The following FAIM2 variants were observed in gnomAD, a reference collection of about 807,000 sequenced individuals.
The protein encoded by FAIM2 is protein lifeguard 2.
A neutral mutation model predicts 47.4 loss-of-function variants in FAIM2; 27 were observed. That is an observed-to-expected ratio of 0.57 (90% confidence interval 0.42 to 0.78). The LOEUF is 0.78. FAIM2 is among the 30% of genes least tolerant of loss of function. FAIM2 has a pLI of 0.00. For synonymous variants in FAIM2, 156 were observed against 159.3 expected (o/e 0.98, Z 0.16); for missense variants, 311 against 389.4 (o/e 0.80, Z 1.69).
Position 49,870,440 on chromosome 12 carries a change from A to G in FAIM2, c.*64T>C. 1.4e-6 allele frequency: 2 copies of G among 1,468,298 alleles called. No individual in the cohort carries two copies. The highest frequency in any genetic ancestry group is 1.9e-6 in the Non-Finnish European group (2 of 1,058,466). 91.0% of individuals were successfully genotyped at this position (1,468,298 alleles called of 1,614,324 possible). A position where few individuals can be genotyped will look rare whatever the true frequency, so the allele number is the denominator to read the frequency against. On this transcript the variant is annotated 3_prime_UTR_variant, in exon 12 of 12. Coordinates refer to ENST00000320634, the MANE Select transcript of FAIM2 (RefSeq NM_012306.4). Reference sequence around the variant, plus strand: ...TTTATATCTGGTCTCGCAGGAGCGCAGGGGAGGGACAGGGAACCAGGAGGG... The same window carrying G: ...TTTATATCTGGTCTCGCAGGAGCGCGGGGGAGGGACAGGGAACCAGGAGGG...
chr12:49,881,469 C>T (rs1353745875), intron 11 of FAIM2, among the ~76,000 whole-genome samples: 2 of 152,118 alleles, frequency 1.3e-5, no homozygotes, highest in Admixed American at 6.5e-5. Context: ...TTAGCTTCCC[C>T]AAGGAAGAAC....
rs753345651 is a variant in FAIM2, at chr12:49,891,108, C to G, written c.441G>C (p.Val147=). The G allele has an allele frequency of 6.2e-7, 1 of 1,614,138 alleles. No homozygotes were observed. Among genetic ancestry groups the G allele is most frequent in the South Asian group, 1.1e-5 (1 of 91,086 alleles). ...CCAGGGTCAGGTAGGTTGCAAAGAA[C>G]ACAGCACTGTGAGAGACAGATGGAT... is the stretch of plus-strand genomic sequence containing the variant. ...NPGWYWASYA[V]FFATYLTLAC... is the part of the protein sequence containing the mutation. Residue 147 remains valine (V), a synonymous_variant, in exon 6 of 12, where the codon GTG becomes GTC. Transcript: ENST00000320634.
At chr12:49,880,307 TG>T (rs1946804827) in intron 11 of FAIM2, among the ~76,000 whole-genome samples, 1 of 147,220 alleles carries the variant, frequency 6.8e-6, no homozygotes, top group African/African-American at 2.6e-5. Context: ...TGTATGTGCA[TG>T]TGTGTATGTG....
chr12:49,880,052 ATATG>A (rs1193359855), intron 11 of FAIM2, among the ~76,000 whole-genome samples: 8,918 of 110,462 alleles, frequency 0.081, no homozygotes, highest in African/African-American at 0.21. Context: ...GCATGTGTAT[ATATG>A]TATTTATTTG....
chr12:49,897,632 C>G (rs1946947557), intron 3 of FAIM2, 49 bp from the exon 4 acceptor site: 1 of 1,416,130 alleles, frequency 7.1e-7, no homozygotes, highest in Non-Finnish European at 9.9e-7. Context: ...TGTTAGGGAC[C>G]TGTCAGCCCC....
At chr12:49,903,185 G>T (rs1946993069) in intron 1 of FAIM2, among the ~76,000 whole-genome samples, 1 of 152,232 alleles carries the variant, frequency 6.6e-6, no homozygotes, top group Admixed American at 6.5e-5. Context: ...GAGAAGAGAT[G>T]CTTCATCCGG....
chr12:49,886,554 C>A (rs1185682029), intron 11 of FAIM2, among the ~76,000 whole-genome samples: 1 of 152,162 alleles, frequency 6.6e-6, no homozygotes, highest in Non-Finnish European at 1.5e-5. Context: ...CGGCTCACTG[C>A]AAGCTCTGCC....
chr12:49,876,480 T>G (rs1209937409), intron 11 of FAIM2, among the ~76,000 whole-genome samples: 1 of 152,150 alleles, frequency 6.6e-6, no homozygotes, highest in African/African-American at 2.4e-5. Flanking sequence ...GAGTAAAAGC[T>G]GGGCTGGGTG....
chr12:49,899,771 C>G (rs559092715), intron 2 of FAIM2, among the ~76,000 whole-genome samples: 1 of 152,338 alleles, frequency 6.6e-6, no homozygotes, highest in Admixed American at 6.5e-5. Context: ...ACAGTCAGCT[C>G]TCTGAGGACA....
chr12:49,870,249 A>C lies in FAIM2; in HGVS notation c.*255T>G, dbSNP rs546045403. On this transcript the variant is annotated 3_prime_UTR_variant, in exon 12 of 12. Coordinates refer to ENST00000320634, the MANE Select transcript of FAIM2 (RefSeq NM_012306.4). ...GACCCTCAAACCCAGAGGAGCCTTCAGCCTTGACCGTCCCAGTTTGGAAGA... is the reference window on the plus strand; with the variant it reads ...GACCCTCAAACCCAGAGGAGCCTTCCGCCTTGACCGTCCCAGTTTGGAAGA... 2 of 388,656 alleles carry C rather than the reference A, an allele frequency of 5.1e-6. No individual in the cohort carries two copies. Among genetic ancestry groups the C allele is most frequent in the Non-Finnish European group, 9.4e-6 (2 of 212,162 alleles). 24.1% of individuals were successfully genotyped at this position (388,656 alleles called of 1,614,324 possible). A position where few individuals can be genotyped will look rare whatever the true frequency, so the allele number is the denominator to read the frequency against.
chr12:49,895,553 GTGGTAGTCTC>G (rs1393234283), intron 5 of FAIM2, among the ~76,000 whole-genome samples: 1 of 152,198 alleles, frequency 6.6e-6, no homozygotes, highest in Non-Finnish European at 1.5e-5. Flanking sequence ...GCTGGCCCAG[GTGGTAGTCTC>G]TGGGGCCTCA....
At chr12:49,891,140 G>A (rs752418181) in intron 5 of FAIM2, 26 bp from the exon 6 acceptor site, 2 of 1,611,660 alleles carry the variant, frequency 1.2e-6, no homozygotes, top group East Asian at 2.2e-5. Context: ...GGATAGGTGA[G>A]TCAGCCAGCC....
At chr12:49,900,907 T>C (rs2137109372) in intron 2 of FAIM2, among the ~76,000 whole-genome samples, 1 of 151,402 alleles carries the variant, frequency 6.6e-6, no homozygotes, top group South Asian at 2.1e-4. Flanking sequence ...CCCTCTTCCC[T>C]ATTGAGAGCA....
chr12:49,889,938 G>T (rs1048601766), intron 8 of FAIM2, among the ~76,000 whole-genome samples, 179 bp downstream of exon 8: 1 of 151,996 alleles, frequency 6.6e-6, no homozygotes, highest in African/African-American at 2.4e-5. Context: ...CAGGTCTTGG[G>T]GTCACTGTCC....
rs904816151 is a variant in FAIM2, at chr12:49,874,519, C to T, written c.802-3866G>A. ...TTTACTGGCCAGTGCTAAACCTGGCCGGGGACCCCAGCCACACATTTGGCC... is the reference window on the plus strand; with the variant it reads ...TTTACTGGCCAGTGCTAAACCTGGCTGGGGACCCCAGCCACACATTTGGCC... On this transcript the variant is annotated intron_variant, in intron 11 of 11. Coordinates refer to ENST00000320634, the MANE Select transcript of FAIM2 (RefSeq NM_012306.4). This position sits in a 1 kb window ranked among gnomAD's most constrained non-coding sequence, Gnocchi z 4.2. Among the ~76,000 whole-genome samples, 4 of 152,128 alleles carry T rather than the reference C, an allele frequency of 2.6e-5. No individual in the cohort carries two copies. Among genetic ancestry groups the T allele is most frequent in the East Asian group, 1.9e-4 (1 of 5,192 alleles).
chr12:49,884,747 G>T (rs1451544015), intron 11 of FAIM2, among the ~76,000 whole-genome samples: 2 of 152,194 alleles, frequency 1.3e-5, no homozygotes, highest in African/African-American at 4.8e-5. Flanking sequence ...GGCCAAGGCG[G>T]GCGGATCACG....
At chr12:49,898,342 C>T (rs1434900755) in intron 2 of FAIM2, among the ~76,000 whole-genome samples, 1 of 152,262 alleles carries the variant, frequency 6.6e-6, no homozygotes, top group Non-Finnish European at 1.5e-5. Context: ...CTCCCTCCAC[C>T]CCGGCTGGGG....
rs545662495 is a variant in FAIM2, at chr12:49,874,238, G to A, written c.802-3585C>T. On this transcript the variant is annotated intron_variant, in intron 11 of 11. Transcript: ENST00000320634. This position sits in a 1 kb window ranked among gnomAD's most constrained non-coding sequence, Gnocchi z 4.2. ...GCAGGAGGCCCCCTGGGACAAGGAC[G>A]CTATTAACTTACATCTGAAGAGTCC... Among the ~76,000 whole-genome samples the A allele has an allele frequency of 4.6e-5, 7 of 152,312 alleles. No individual in the cohort carries two copies. The highest frequency in any genetic ancestry group is 1.4e-4 in the African/African-American group (6 of 41,568).
At chr12:49,896,946 G>C in intron 5 of FAIM2, 85 bp downstream of exon 5, 1 of 1,142,730 alleles carries the variant, frequency 8.8e-7, no homozygotes, top group Non-Finnish European at 1.3e-6. Flanking sequence ...TACGGGCTCA[G>C]ATTAGGTCAA....
Sources: allele counts gnomAD v4.1 joint callset (sites outside exome capture counted in the v4.1 genomes callset), GRCh38; gene constraint gnomAD v4.1.1; non-coding constraint Gnocchi (gnomAD v3.1); transcripts MANE v1.5; gene names NCBI Gene and HGNC (gene_info 2026-07-23, HGNC 2026-07-21).